The following BAHCC1 variants were observed in gnomAD, a reference collection of about 807,000 sequenced individuals.
The protein encoded by BAHCC1 is BAH domain and coiled-coil containing 1, also known as BAH and coiled-coil domain-containing protein 1.
BAHCC1 carries 43 observed loss-of-function variants against 88.2 expected under a neutral mutation model. That is an observed-to-expected ratio of 0.49 (90% confidence interval 0.38 to 0.63). The LOEUF (loss-of-function observed/expected upper bound fraction) is 0.63. Ranked by LOEUF, BAHCC1 falls within the 20% of genes least tolerant of loss-of-function variation. BAHCC1 has a pLI of 0.00. For missense variants in BAHCC1, 3,023 were observed against 1,654.8 expected (o/e 1.83, Z -14.34); for synonymous variants, 1,510 against 745.5 (o/e 2.03, Z -16.71).
rs1555645638 is a variant in BAHCC1, at chr17:81,399,648, G to A, written c.-92G>A. The A allele has an allele frequency of 4.5e-6, 4 of 884,958 alleles. No individual in the cohort carries two copies. Among genetic ancestry groups the A allele is most frequent in the Non-Finnish European group, 4.3e-6 (3 of 704,440 alleles). 54.8% of individuals were successfully genotyped at this position (884,958 alleles called of 1,614,324 possible). A position where few individuals can be genotyped will look rare whatever the true frequency, so the allele number is the denominator to read the frequency against. The stretch of plus-strand genomic sequence containing the variant: ...ACCACCGCCTGTGACCCCGGACGCC[G>A]CCGCCTCTGCGCCGCCCGCGCGCCG... On this transcript the variant is annotated 5_prime_UTR_variant, in exon 2 of 28. Coordinates refer to ENST00000675386, the MANE Select transcript of BAHCC1 (RefSeq NM_001377448.1). This position sits in a 1 kb window ranked among gnomAD's most constrained non-coding sequence, Gnocchi z 4.5.
chr17:81,455,436 T>G (rs1439946627), intron 15 of BAHCC1, 46 bp downstream of exon 15: 2 of 706,318 alleles, frequency 2.8e-6, no homozygotes, highest in African/African-American at 1.7e-5. Context: ...TTCAGGTCCC[T>G]TCAGGTCCCT....
chr17:81,454,397 G>A (rs1295395127), intron 14 of BAHCC1, among the ~76,000 whole-genome samples: 2 of 152,192 alleles, frequency 1.3e-5, no homozygotes, highest in Non-Finnish European at 2.9e-5. Flanking sequence ...CAGTGTCCAG[G>A]GCTCCATCTG....
At chr17:81,401,071 A>G (rs1427989352) in intron 2 of BAHCC1, 2 of 152,278 alleles carry the variant, frequency 1.3e-5, no homozygotes, top group Admixed American at 6.5e-5. Flanking sequence ...GAATACTAAT[A>G]AAATTATATC....
chr17:81,457,524 C>T lies in BAHCC1; in HGVS notation c.4973C>T (p.Pro1658Leu), dbSNP rs782493928. Residue 1658 changes from proline to leucine, a missense_variant, in exon 17 of 28, where the codon CCC becomes CTC. By Grantham distance (98) the Pro-to-Leu change is moderately conservative (BLOSUM62 -3). Transcript: ENST00000675386. ...AGTGTGGCCGTGCTGGGGCCCTCAC[C>T]CTCCTCTGTGGTCAAGATGGAGGCC... ...GASVAVLGPS[P>L]SSVVKMEANQ... 9 of 754,024 alleles carry T rather than the reference C, an allele frequency of 1.2e-5. No individual in the cohort carries two copies. The highest frequency in any genetic ancestry group is 1.5e-5 in the Non-Finnish European group (6 of 405,630). 46.7% of individuals were successfully genotyped at this position (754,024 alleles called of 1,614,324 possible).
In BAHCC1 at chr17:81,411,506, GCCTGCCTGCCTTCCTT is replaced by G. The variant is rs782218496; in HGVS notation, c.178+11593_178+11608del. Reference sequence around the variant, plus strand: ...TGCCTGCCTGCCTGCCTGCCTGCCTGCCTGCCTGCCTTCCTTCCTTCCTTCCTTCCTTCCTTCCTTC... The same window carrying G: ...TGCCTGCCTGCCTGCCTGCCTGCCTGCCTTCCTTCCTTCCTTCCTTCCTTC... On this transcript the variant is annotated intron_variant, in intron 2 of 27. Transcript: ENST00000675386. The surrounding 1 kb of genome is among the most constrained non-coding windows in gnomAD (Gnocchi z 6.2). The G allele has an allele frequency of 9.6e-3, 3,128 of 326,632 alleles. 26 individuals are homozygous for G. Among genetic ancestry groups the G allele is most frequent in the African/African-American group, 0.042 (1,385 of 33,002 alleles). The allele number at this position is 326,632 out of a possible 1,614,324, so 20.2% of individuals were successfully genotyped here.
chr17:81,405,474 C>T (rs1186514651), intron 2 of BAHCC1, among the ~76,000 whole-genome samples: 1 of 152,128 alleles, frequency 6.6e-6, no homozygotes, highest in Non-Finnish European at 1.5e-5. Context: ...CCCTCCTCTT[C>T]CTTGGCTGTT....
At chr17:81,436,584 T>C (rs2064339403) in intron 3 of BAHCC1, among the ~76,000 whole-genome samples, 1 of 150,756 alleles carries the variant, frequency 6.6e-6, no homozygotes, top group Non-Finnish European at 1.5e-5. Context: ...GCCCTGCCAC[T>C]CCCCTACCCC....
At chr17:81,415,609 C>T (rs986658841) in intron 2 of BAHCC1, 1 of 506,362 alleles carries the variant, frequency 2.0e-6, no homozygotes, top group Non-Finnish European at 3.9e-6. Context: ...CTGAGCCAAC[C>T]TCGTTTTGGG....
At chr17:81,422,356 G>C (rs2064126074) in intron 2 of BAHCC1, among the ~76,000 whole-genome samples, 1 of 152,198 alleles carries the variant, frequency 6.6e-6, no homozygotes, top group Non-Finnish European at 1.5e-5. Flanking sequence ...AAAATACAAA[G>C]ACATAATGTT....
intron 2 of BAHCC1, among the ~76,000 whole-genome samples, chr17:81,409,708 C>T (rs1297566298): frequency 6.6e-6 from 1 of 152,134 alleles, no homozygotes; most frequent in East Asian, 1.9e-4. Context: ...GAAATCGGGC[C>T]CAGGGAGAAG....
chr17:81,442,551 T>G lies in BAHCC1; in HGVS notation c.1202T>G (p.Leu401Arg). The change falls in exon 5 of 28, where the codon CTG (leucine) becomes CGG (arginine). Residue 401 changes from leucine (L) to arginine (R), a missense_variant. Transcript: ENST00000675386. ...GPTFVPSVGHLADKGRPFQAA... is the reference protein window; with the variant it reads ...GPTFVPSVGHRADKGRPFQAA... ...ACCTTCGTGCCTTCTGTGGGACACCTGGCCGACAAGGGCCGCCCCTTCCAG... is the reference window on the plus strand; with the variant it reads ...ACCTTCGTGCCTTCTGTGGGACACCGGGCCGACAAGGGCCGCCCCTTCCAG... 1 of 742,670 alleles carries G rather than the reference T, an allele frequency of 1.3e-6. No homozygotes were observed. The highest frequency in any genetic ancestry group is 1.4e-5 in the South Asian group (1 of 70,782). 46.0% of individuals were successfully genotyped at this position (742,670 alleles called of 1,614,324 possible). A position where few individuals can be genotyped will look rare whatever the true frequency, so the allele number is the denominator to read the frequency against.
chr17:81,399,650 C>T lies in BAHCC1; in HGVS notation c.-90C>T. 2.4e-6 allele frequency: 2 copies of T among 826,652 alleles called. No individual in the cohort carries two copies. The highest frequency in any genetic ancestry group is 4.6e-5 in the South Asian group (1 of 21,962). 51.2% of individuals were successfully genotyped at this position (826,652 alleles called of 1,614,324 possible). On this transcript the variant is annotated 5_prime_UTR_variant, in exon 2 of 28. Transcript: ENST00000675386. The surrounding 1 kb of genome is among the most constrained non-coding windows in gnomAD (Gnocchi z 4.5). ...CACCGCCTGTGACCCCGGACGCCGC[C>T]GCCTCTGCGCCGCCCGCGCGCCGAG...
At chr17:81,454,820 G>T (rs1189604774) in intron 14 of BAHCC1, among the ~76,000 whole-genome samples, 2 of 152,082 alleles carry the variant, frequency 1.3e-5, no homozygotes, top group Non-Finnish European at 2.9e-5. Context: ...CCCAGTAGCA[G>T]CAGAGCCCTG....
At chr17:81,418,914 G>C (rs1555649189) in intron 2 of BAHCC1, among the ~76,000 whole-genome samples, 1 of 151,952 alleles carries the variant, frequency 6.6e-6, no homozygotes, top group Admixed American at 6.6e-5. Flanking sequence ...AGACAGGTTT[G>C]CACAGACACA....
chr17:81,430,525 G>T (rs1324077235), intron 3 of BAHCC1, among the ~76,000 whole-genome samples: 3 of 152,208 alleles, frequency 2.0e-5, no homozygotes, highest in Non-Finnish European at 4.4e-5. Flanking sequence ...ACGGAGCCCC[G>T]CAGCTTCCTG....
At chr17:81,425,016 GTGA>G (rs1260842555) in intron 2 of BAHCC1, among the ~76,000 whole-genome samples, 2 of 146,190 alleles carry the variant, frequency 1.4e-5, no homozygotes, top group South Asian at 2.3e-4. Context: ...GATGTGGTTG[GTGA>G]TGATGTGGTT....
intron 2 of BAHCC1, among the ~76,000 whole-genome samples, chr17:81,416,776 G>A (rs1342870255): frequency 1.3e-5 from 2 of 152,196 alleles, no homozygotes; most frequent in Admixed American, 6.5e-5. Flanking sequence ...CATTGACGTC[G>A]CCTGTTTGGG....
intron 1 of BAHCC1, among the ~76,000 whole-genome samples, chr17:81,398,835 G>A (rs1260578270): frequency 6.6e-6 from 1 of 152,022 alleles, no homozygotes; most frequent in Non-Finnish European, 1.5e-5. Flanking sequence ...ACAGGAGCTG[G>A]TCCCGCTGGG....
chr17:81,449,018 G>C (rs971783207), intron 11 of BAHCC1, among the ~76,000 whole-genome samples: 39 of 152,344 alleles, frequency 2.6e-4, no homozygotes, highest in African/African-American at 9.1e-4. Flanking sequence ...GGCAGCATGA[G>C]GAGGCGTCAG....
Sources: gnomAD v4.1 joint callset for allele counts (sites outside exome capture counted in the v4.1 genomes callset) on GRCh38, gnomAD v4.1.1 for gene constraint, Gnocchi (gnomAD v3.1) non-coding constraint, MANE v1.5 for transcripts, NCBI Gene and HGNC (gene_info 2026-07-23, HGNC 2026-07-21) for gene names.